Variants in RAB34 observed in about 807,000 individuals in gnomAD.
The protein encoded by RAB34 is RAB34, member RAS oncogene family.
Under a neutral mutation model 39.0 loss-of-function variants are expected in RAB34, and 33 were observed. That is an observed-to-expected ratio of 0.85 (90% CI 0.64 to 1.13). The LOEUF (loss-of-function observed/expected upper bound fraction) is 1.13, where lower values mean the gene tolerates loss of function less well. RAB34 is among the 50% of genes most tolerant of loss of function. The probability of loss-of-function intolerance (pLI) is 0.00; values close to 1 mark genes in which losing one functional copy is unlikely to be tolerated. For synonymous variants in RAB34, 135 were observed against 125.1 expected (o/e 1.08, Z -0.53); for missense variants, 289 against 326.1 (o/e 0.89, Z 0.88).
chr17:28,716,098 C>T (rs2033385407), intron 2 of RAB34, 40 bp from the exon 3 acceptor site: 1 of 1,612,616 alleles, frequency 6.2e-7, no homozygotes, highest in Non-Finnish European at 8.5e-7. Flanking sequence ...TGGGCACGAG[C>T]TCTTTCACCC....
chr17:28,717,943 G>GCCCCCCCCCCCCCCCCC, upstream of RAB34: 1 of 667,834 alleles, frequency 1.5e-6, no homozygotes, highest in Non-Finnish European at 1.8e-6. Context: ...CTCGCTGCCC[G>GCCCCCCCCCCCCCCCCC]CCCTCGCCAC....
In RAB34 at chr17:28,717,446, G is replaced by A; in HGVS notation, c.-180C>T. The A allele has an allele frequency of 1.4e-6, 2 of 1,477,274 alleles. No homozygotes were observed. Among genetic ancestry groups the A allele is most frequent in the South Asian group, 1.3e-5 (1 of 78,814 alleles). 91.5% of individuals were successfully genotyped at this position (1,477,274 alleles called of 1,614,324 possible). On this transcript the variant is annotated 5_prime_UTR_variant, in exon 1 of 10. Transcript: ENST00000395245. ...AGACGCTACGACCACCGCGGGCCAC[G>A]GAGATGAAACAATCACCCGGGGCCG...
upstream of RAB34, chr17:28,717,955 C>A: frequency 1.6e-6 from 2 of 1,274,372 alleles, no homozygotes; most frequent in Non-Finnish European, 1.0e-6. Flanking sequence ...CCTCGCCACC[C>A]CCTCCTCTCC....
At position 28,717,419 on chromosome 17, in the gene RAB34, G is replaced by A; in HGVS notation, c.-153C>T. 2 of 1,498,654 alleles carry A rather than the reference G, an allele frequency of 1.3e-6. No individual in the cohort carries two copies. Among genetic ancestry groups the A allele is most frequent in the Non-Finnish European group, 1.8e-6 (2 of 1,123,322 alleles). 92.8% of individuals were successfully genotyped at this position (1,498,654 alleles called of 1,614,324 possible). On this transcript the variant is annotated 5_prime_UTR_variant, in exon 1 of 10. Coordinates refer to ENST00000395245, the MANE Select transcript of RAB34 (RefSeq NM_031934.6). ...GGACCCTACGGGAGTCCGCGGTCTC[G>A]GAGACGCTACGACCACCGCGGGCCA... is the stretch of plus-strand genomic sequence containing the variant.
rs1236653446 is a variant in RAB34, at chr17:28,716,967, C to G, written c.82G>C (p.Gly28Arg). The change falls in exon 2 of 10, where the codon GGG becomes CGG. Residue 28 changes from glycine to arginine, a missense_variant. Coordinates refer to ENST00000395245, the MANE Select transcript of RAB34 (RefSeq NM_031934.6). ...ACGCGGGGGTGGAAGTCTTTGTGCC[C>G]GTGCAAAGCGGCCTCCTTCCTCAGG... ...QCLRKEAALH[G>R]HKDFHPRVTC... is the part of the protein sequence containing the mutation. The G allele has an allele frequency of 6.2e-7, 1 of 1,613,642 alleles. No individual in the cohort carries two copies. Among genetic ancestry groups the G allele is most frequent in the Non-Finnish European group, 8.5e-7 (1 of 1,179,938 alleles).
Position 28,717,584 on chromosome 17 carries a change from C to G in RAB34, c.-318G>C. On this transcript the variant is annotated 5_prime_UTR_variant, in exon 1 of 10. Transcript: ENST00000395245. ...AGTCCCGTCTGGTGGGGGCCGGGCC[C>G]GCGCAGACCCTACGATTACGCGGGG... is the stretch of plus-strand genomic sequence containing the variant. The G allele has an allele frequency of 7.1e-7, 1 of 1,416,034 alleles. No homozygotes were observed. Among genetic ancestry groups the G allele is most frequent in the Non-Finnish European group, 9.2e-7 (1 of 1,088,858 alleles). The allele number at this position is 1,416,034 out of a possible 1,614,324, so 87.7% of individuals were successfully genotyped here.
At chr17:28,717,040 C>T (rs1318280803) in intron 1 of RAB34, 46 bp from the exon 2 acceptor site, 1 of 1,601,614 alleles carries the variant, frequency 6.2e-7, no homozygotes, top group Non-Finnish European at 8.5e-7. Context: ...ACTCCTGGCC[C>T]TTGTCCCGCA....
At chr17:28,718,195 GA>G (rs2033870826), upstream of RAB34, 4 of 1,605,542 alleles carry the variant, frequency 2.5e-6, no homozygotes, top group Admixed American at 1.7e-5. Context: ...GCAGGGAGGG[GA>G]AAGGGGGAGA....
At position 28,717,784 on chromosome 17, in the gene RAB34, C is replaced by T; in HGVS notation, c.-518G>A. On this transcript the variant is annotated 5_prime_UTR_variant, in exon 1 of 10. Coordinates refer to ENST00000395245, the MANE Select transcript of RAB34 (RefSeq NM_031934.6). ...GGGCAGGGGCGGCGCTGCCAAGGCC[C>T]GCAGGCCGCTGGAGGAGGGGGCGAG... 7.6e-7 allele frequency: 1 copy of T among 1,324,044 alleles called. No homozygotes were observed. The highest frequency in any genetic ancestry group is 3.8e-5 in the Admixed American group (1 of 26,364). 82.0% of individuals were successfully genotyped at this position (1,324,044 alleles called of 1,614,324 possible).
Position 28,717,768 on chromosome 17 carries a change from C to A in RAB34, c.-502G>T. On this transcript the variant is annotated 5_prime_UTR_variant, in exon 1 of 10. Coordinates refer to ENST00000395245, the MANE Select transcript of RAB34 (RefSeq NM_031934.6). ...CACACGGGGTCAGTGTGGGCAGGGG[C>A]GGCGCTGCCAAGGCCCGCAGGCCGC... is the stretch of plus-strand genomic sequence containing the variant. 2 of 1,328,664 alleles carry A rather than the reference C, an allele frequency of 1.5e-6. No individual in the cohort carries two copies. The highest frequency in any genetic ancestry group is 1.9e-6 in the Non-Finnish European group (2 of 1,045,314). 82.3% of individuals were successfully genotyped at this position (1,328,664 alleles called of 1,614,324 possible).
At chr17:28,715,378 T>C in intron 6 of RAB34, 78 bp downstream of exon 6, 1 of 1,598,652 alleles carries the variant, frequency 6.3e-7, no homozygotes, top group Non-Finnish European at 8.6e-7. Flanking sequence ...ACATGCATTC[T>C]TCTTCTTCCT....
At chr17:28,716,119 C>A (rs2033388966) in intron 2 of RAB34, 61 bp from the exon 3 acceptor site, 2 of 1,609,604 alleles carry the variant, frequency 1.2e-6, no homozygotes, top group East Asian at 4.5e-5. Flanking sequence ...TAGGGAGTTC[C>A]AATGCTCCCG....
At chr17:28,715,328 C>A (rs764715786) in intron 6 of RAB34, 52 bp from the exon 7 acceptor site, 2 of 1,588,260 alleles carry the variant, frequency 1.3e-6, no homozygotes, top group South Asian at 2.2e-5. Context: ...GGGCCCCTCC[C>A]ACTGACATTC....
chr17:28,718,416 C>T, upstream of RAB34: 2 of 624,872 alleles, frequency 3.2e-6, no homozygotes, highest in East Asian at 3.3e-5. Context: ...TTCAAGGCTG[C>T]TGTGTAGATT....
chr17:28,717,462 C>G lies in RAB34; in HGVS notation c.-196G>C. The G allele has an allele frequency of 6.9e-7, 1 of 1,455,368 alleles. No homozygotes were observed. Among genetic ancestry groups the G allele is most frequent in the Non-Finnish European group, 9.0e-7 (1 of 1,105,014 alleles). The allele number at this position is 1,455,368 out of a possible 1,614,324, so 90.2% of individuals were successfully genotyped here. A position where few individuals can be genotyped will look rare whatever the true frequency, so the allele number is the denominator to read the frequency against. On this transcript the variant is annotated 5_prime_UTR_variant, in exon 1 of 10. Transcript: ENST00000395245. The stretch of plus-strand genomic sequence containing the variant: ...GCGGGCCACGGAGATGAAACAATCA[C>G]CCGGGGCCGCGGCGAGCCCAAAATC...
chr17:28,717,939 G>GGGCCC, upstream of RAB34: 1 of 1,206,602 alleles, frequency 8.3e-7, no homozygotes, highest in Admixed American at 4.1e-5. Flanking sequence ...AGGCCTCGCT[G>GGGCCC]CCCGCCCTCG....
intron 1 of RAB34, 64 bp from the exon 2 acceptor site, chr17:28,717,058 G>T (rs2033583255): frequency 1.9e-6 from 3 of 1,590,072 alleles, no homozygotes; most frequent in Non-Finnish European, 2.6e-6. Flanking sequence ...GCAGCCAAGC[G>T]GCCCGGGTAG....
Position 28,716,213 on chromosome 17 carries a change from T to TG in RAB34, c.147-156dup, listed in dbSNP as rs904125327. ...CAGGCAGCTGCGTGGACAGGTGTGC[T>TG]GGGGAGGAGGAGTGTTTTGTGCTCC... On this transcript the variant is annotated intron_variant, in intron 2 of 9. Transcript: ENST00000395245. 1.1e-5 allele frequency: 11 copies of TG among 961,706 alleles called. No individual in the cohort carries two copies. In the African/African-American group the frequency reaches 1.7e-4, roughly 14 times the overall value. 59.6% of individuals were successfully genotyped at this position (961,706 alleles called of 1,614,324 possible). A position where few individuals can be genotyped will look rare whatever the true frequency, so the allele number is the denominator to read the frequency against.
At chr17:28,717,923 G>A, upstream of RAB34, 1 of 1,338,694 alleles carries the variant, frequency 7.5e-7, no homozygotes, top group Non-Finnish European at 9.5e-7. Flanking sequence ...CTCTCCTGGC[G>A]GCTCCAGGCC....
Sources: allele counts gnomAD v4.1 joint callset, GRCh38; gene constraint gnomAD v4.1.1; transcripts MANE v1.5; gene names NCBI Gene and HGNC (gene_info 2026-07-23, HGNC 2026-07-21).